Variants in MVK observed in about 807,000 individuals in gnomAD.
MVK encodes the protein LH receptor mRNA-binding protein.
A neutral mutation model predicts 43.2 loss-of-function variants in MVK; 34 were observed. The ratio of observed to expected loss-of-function variants is 0.79; its 90% CI spans 0.60 to 1.05. The LOEUF (loss-of-function observed/expected upper bound fraction) is 1.05. MVK is among the 50% of genes least tolerant of loss of function. MVK has a pLI of 0.00. For synonymous variants in MVK, 190 were observed against 219.8 expected (o/e 0.86, Z 1.20); for missense variants, 395 against 504.0 (o/e 0.78, Z 2.07).
At chr12:109,577,158 G>T (rs1486478785) in intron 3 of MVK, among the ~76,000 whole-genome samples, 1 of 152,146 alleles carries the variant, frequency 6.6e-6, no homozygotes, top group Admixed American at 6.5e-5. Context: ...TGTGTGTCAC[G>T]TGTGTGTGCT....
chr12:109,581,370 C>A, intron 4 of MVK, 25 bp from the exon 5 acceptor site: 1 of 1,612,982 alleles, frequency 6.2e-7, no homozygotes, highest in African/African-American at 1.3e-5. Context: ...GGGAGAGTCA[C>A]GTTTCACACC....
In MVK at chr12:109,581,454, G is replaced by T. The variant is rs1239024118; in HGVS notation, c.431G>T (p.Gly144Val). The change falls in exon 5 of 11, where the codon GGC (glycine) becomes GTC (valine). Residue 144 changes from glycine to valine, a missense_variant. Physicochemically the swap from Gly to Val is moderately radical, Grantham distance 109. Coordinates refer to ENST00000228510, the MANE Select transcript of MVK (RefSeq NM_000431.4). ...WSELPPGAGLGSSAAYSVCLA... is the reference protein window; with the variant it reads ...WSELPPGAGLVSSAAYSVCLA... ...GAGCTGCCCCCCGGGGCGGGCTTGG[G>T]CTCCAGCGCCGCCTACTCGGTGTGT... 1 of 1,614,062 alleles carries T rather than the reference G, an allele frequency of 6.2e-7. No homozygotes were observed. Among genetic ancestry groups the T allele is most frequent in the Admixed American group, 1.7e-5 (1 of 60,010 alleles).
At chr12:109,584,002 T>C (rs1885335968) in intron 5 of MVK, among the ~76,000 whole-genome samples, 1 of 152,228 alleles carries the variant, frequency 6.6e-6, no homozygotes, top group South Asian at 2.1e-4. Context: ...GCTAAGAGCT[T>C]GGGCTCCAAG....
intron 3 of MVK, 85 bp from the exon 4 acceptor site, chr12:109,579,717 C>G: frequency 6.4e-7 from 1 of 1,554,910 alleles, no homozygotes; most frequent in Non-Finnish European, 8.9e-7. Context: ...ATTCCAGTGA[C>G]TAGTCGATTT....
rs1248916669 is a variant in MVK, at chr12:109,595,614, C to T, written c.1039+433C>T. Reference sequence around the variant, plus strand: ...CGTTGGTTTGGGGAAAGAGGAAGACCGAGTAATGGGCTTGGCTTAGGAAGC... The same window carrying T: ...CGTTGGTTTGGGGAAAGAGGAAGACTGAGTAATGGGCTTGGCTTAGGAAGC... On this transcript the variant is annotated intron_variant, in intron 10 of 10. Coordinates refer to ENST00000228510, the MANE Select transcript of MVK (RefSeq NM_000431.4). This position sits in a 1 kb window ranked among gnomAD's most constrained non-coding sequence, Gnocchi z 5.9. Among the ~76,000 whole-genome samples, 7 of 152,170 alleles carry T rather than the reference C, an allele frequency of 4.6e-5. No individual in the cohort carries two copies. Among genetic ancestry groups the T allele is most frequent in the South Asian group, 4.2e-4 (2 of 4,818 alleles).
intron 7 of MVK, 86 bp downstream of exon 7, chr12:109,586,885 T>C: frequency 1.3e-6 from 2 of 1,526,982 alleles, no homozygotes; most frequent in East Asian, 2.3e-5. Flanking sequence ...GGAAGTACCA[T>C]AGGAGGCAGG....
chr12:109,584,071 T>G (rs145547759), intron 5 of MVK, among the ~76,000 whole-genome samples: 94 of 152,352 alleles, frequency 6.2e-4, no homozygotes, highest in Middle Eastern at 3.4e-3. Flanking sequence ...GGATGCTGTT[T>G]GACCCATCCA....
chr12:109,581,026 A>T (rs1885192984), intron 4 of MVK, among the ~76,000 whole-genome samples: 1 of 152,170 alleles, frequency 6.6e-6, no homozygotes, highest in East Asian at 1.9e-4. Flanking sequence ...TCTCTGTGGG[A>T]TAAGGAGGTG....
Position 109,597,934 on chromosome 12 carries a change from G to C in MVK, c.*1357G>C, listed in dbSNP as rs1327425653. ...TCTTCCTGCAGGGTGAGAGGAGCAGGAGCCGAGCTCCACCCCCACGCCAGC... is the reference window on the plus strand; with the variant it reads ...TCTTCCTGCAGGGTGAGAGGAGCAGCAGCCGAGCTCCACCCCCACGCCAGC... On this transcript the variant is annotated 3_prime_UTR_variant, in exon 11 of 11. Transcript: ENST00000228510. 2.6e-5 allele frequency: 4 copies of C among 152,202 alleles called. No homozygotes were observed. The highest frequency in any genetic ancestry group is 7.2e-5 in the African/African-American group (3 of 41,442). The allele number at this position is 152,202 out of a possible 1,614,324, so 9.4% of individuals were successfully genotyped here.
chr12:109,585,451 A>C (rs1885395993), intron 5 of MVK, among the ~76,000 whole-genome samples: 1 of 152,158 alleles, frequency 6.6e-6, no homozygotes, highest in African/African-American at 2.4e-5. Context: ...AATGAGGCTC[A>C]GAGAGGTTAG....
intron 9 of MVK, among the ~76,000 whole-genome samples, chr12:109,593,576 ACTT>A (rs1173761669): frequency 1.3e-5 from 2 of 152,106 alleles, no homozygotes; most frequent in East Asian, 1.9e-4. Flanking sequence ...TGGGCAAGTC[ACTT>A]CTTCTCTGAG....
chr12:109,582,594 G>C (rs1885264946), intron 5 of MVK, among the ~76,000 whole-genome samples: 1 of 151,872 alleles, frequency 6.6e-6, no homozygotes, highest in African/African-American at 2.4e-5. Context: ...CCCTTAGGGA[G>C]AGTAGACCTC....
intron 3 of MVK, chr12:109,579,366 CT>C: frequency 2.8e-6 from 1 of 353,652 alleles, no homozygotes; most frequent in Non-Finnish European, 5.6e-6. Context: ...TCTCAAACTC[CT>C]AGGCACAAGT....
intron 4 of MVK, among the ~76,000 whole-genome samples, chr12:109,580,980 G>A (rs955838425): frequency 6.6e-5 from 10 of 152,196 alleles, no homozygotes; most frequent in Middle Eastern, 3.4e-3. Flanking sequence ...CAGTGGAAGC[G>A]ACATTTGATA....
intron 6 of MVK, 82 bp downstream of exon 6, chr12:109,586,207 G>A: frequency 9.1e-7 from 1 of 1,100,598 alleles, no homozygotes; most frequent in Non-Finnish European, 1.4e-6. Flanking sequence ...AGTCTGTGCT[G>A]GTTTGGGAGG....
intron 4 of MVK, among the ~76,000 whole-genome samples, chr12:109,580,725 A>G (rs1049729410): frequency 6.6e-6 from 1 of 152,218 alleles, no homozygotes; most frequent in African/African-American, 2.4e-5. Flanking sequence ...GAAATTACCA[A>G]ACATGAAGTT....
chr12:109,590,841 G>C lies in MVK; in HGVS notation c.748G>C (p.Val250Leu), dbSNP rs104895339. 6.2e-7 allele frequency: 1 copy of C among 1,614,046 alleles called. No homozygotes were observed. Among genetic ancestry groups the C allele is most frequent in the African/African-American group, 1.3e-5 (1 of 74,910 alleles). ...CAATACCAGGGCCCTTGTGGCTGGC[G>C]TCAGAAACAGGCTGCTCAAGGTGAC... ...PRNTRALVAG[V>L]RNRLLKFPEI... The change falls in exon 8 of 11, where the codon GTC becomes CTC. Residue 250 changes from valine (V) to leucine (L), a missense_variant. By Grantham distance (32) the Val-to-Leu change is conservative. Transcript: ENST00000228510.
chr12:109,575,477 G>C (rs868299361), intron 2 of MVK, among the ~76,000 whole-genome samples: 1 of 150,718 alleles, frequency 6.6e-6, no homozygotes, highest in Admixed American at 6.6e-5. Flanking sequence ...GCAATCTTGC[G>C]ATCATGGCTC....
chr12:109,573,661 C>T, upstream of MVK: 1 of 736,358 alleles, frequency 1.4e-6, no homozygotes, highest in Non-Finnish European at 2.3e-6. Context: ...AGGAGCGGGG[C>T]GGGAAAACCC....
Sources: allele counts gnomAD v4.1 joint callset (sites outside exome capture counted in the v4.1 genomes callset), GRCh38; gene constraint gnomAD v4.1.1; non-coding constraint Gnocchi (gnomAD v3.1); transcripts MANE v1.5; gene names NCBI Gene and HGNC (gene_info 2026-07-23, HGNC 2026-07-21).